Variants in MCM9 observed in about 807,000 individuals in gnomAD.
MCM9 encodes DNA helicase MCM9.
Under a neutral mutation model 72.8 loss-of-function variants are expected in MCM9, and 55 were observed. That is an observed-to-expected ratio of 0.76 (90% CI 0.61 to 0.95). The LOEUF is 0.95. MCM9 is among the 40% of genes least tolerant of loss of function. MCM9 has a pLI of 0.00. For synonymous variants in MCM9, 480 were observed against 503.4 expected, an observed-to-expected ratio of 0.95 and a Z score of 0.62; for missense variants, 1,279 against 1,377.0, an observed-to-expected ratio of 0.93 and a Z score of 1.13.
chr6:118,861,085 G>A (rs1776873160), intron 8 of MCM9, among the ~76,000 whole-genome samples: 1 of 152,242 alleles, frequency 6.6e-6, no homozygotes, highest in African/African-American at 2.4e-5. Context: ...GTGAATGAGT[G>A]TGGTGTCCAG....
intron 6 of MCM9, among the ~76,000 whole-genome samples, chr6:118,916,466 A>ATT (rs1319106742): frequency 2.6e-4 from 33 of 129,170 alleles, no homozygotes; most frequent in Non-Finnish European, 3.6e-4. Flanking sequence ...TATTATTATT[A>ATT]TTATTATTAT....
intron 13 of MCM9, among the ~76,000 whole-genome samples, chr6:118,822,584 AG>A (rs1359383719): frequency 2.0e-5 from 3 of 152,118 alleles, no homozygotes; most frequent in Non-Finnish European, 4.4e-5. Flanking sequence ...CTCAGTCAGG[AG>A]GCACAGGGGT....
At chr6:118,852,245 C>A (rs1490605273) in intron 9 of MCM9, among the ~76,000 whole-genome samples, 1 of 152,076 alleles carries the variant, frequency 6.6e-6, no homozygotes, top group Non-Finnish European at 1.5e-5. Context: ...CCATCACTGG[C>A]AAAAATGTTA....
At chr6:118,894,273 G>A (rs1779184281) in intron 8 of MCM9, 1 of 1,462,744 alleles carries the variant, frequency 6.8e-7, no homozygotes, top group African/African-American at 1.4e-5. Flanking sequence ...ATAAAAAGAG[G>A]AAAAAAGTTT....
intron 8 of MCM9, among the ~76,000 whole-genome samples, chr6:118,880,505 C>G (rs1360683773): frequency 1.3e-5 from 2 of 152,196 alleles, no homozygotes; most frequent in Non-Finnish European, 2.9e-5. Context: ...AAAGGACTTT[C>G]AGCCATTTCC....
At chr6:118,870,647 T>C (rs1295533876) in intron 8 of MCM9, among the ~76,000 whole-genome samples, 1 of 151,178 alleles carries the variant, frequency 6.6e-6, no homozygotes, top group Non-Finnish European at 1.5e-5. Flanking sequence ...AGAGCAGAAA[T>C]AGAGACTAGA....
chr6:118,825,948 C>A (rs1272402209), intron 13 of MCM9, among the ~76,000 whole-genome samples, 199 bp downstream of exon 13: 1 of 152,066 alleles, frequency 6.6e-6, no homozygotes, highest in Non-Finnish European at 1.5e-5. Context: ...TGTTCGCAGT[C>A]ACTGAGTTTT....
chr6:118,851,455 A>C (rs1051687452), intron 9 of MCM9, among the ~76,000 whole-genome samples: 1 of 151,912 alleles, frequency 6.6e-6, no homozygotes, highest in Non-Finnish European at 1.5e-5. Flanking sequence ...TTTAGGAACT[A>C]AATATCTTTT....
intron 8 of MCM9, among the ~76,000 whole-genome samples, chr6:118,874,330 A>G (rs573222669): frequency 2.0e-5 from 3 of 152,192 alleles, no homozygotes; most frequent in Admixed American, 6.5e-5. Context: ...AAAAATCACA[A>G]TATCAATAGA....
intron 5 of MCM9, chr6:118,919,968 C>T (rs1374592432): frequency 6.6e-6 from 1 of 152,152 alleles, no homozygotes; most frequent in Admixed American, 6.6e-5. Context: ...AGGTTTATAG[C>T]TAATGATACA....
At chr6:118,835,521 T>C (rs979554462) in intron 9 of MCM9, among the ~76,000 whole-genome samples, 2 of 152,208 alleles carry the variant, frequency 1.3e-5, no homozygotes, top group Non-Finnish European at 2.9e-5. Context: ...CCTCTCTTAT[T>C]TCCTTGAGCA....
At chr6:118,816,464 T>A (rs1251304094) in intron 13 of MCM9, among the ~76,000 whole-genome samples, 170 bp from the exon 14 acceptor site, 1 of 152,208 alleles carries the variant, frequency 6.6e-6, no homozygotes, top group Non-Finnish European at 1.5e-5. Flanking sequence ...AATCCTTTTT[T>A]AAATCAATAT....
At chr6:118,823,028 G>C (rs928662262) in intron 13 of MCM9, among the ~76,000 whole-genome samples, 1 of 152,216 alleles carries the variant, frequency 6.6e-6, no homozygotes, top group African/African-American at 2.4e-5. Flanking sequence ...TCAAGCCAGT[G>C]GTTCTTGGCT....
Position 118,829,244 on chromosome 6 carries a change from C to T in MCM9, c.1332G>A (p.Val444=). 6.5e-7 allele frequency: 1 copy of T among 1,548,404 alleles called. No individual in the cohort carries two copies. Among genetic ancestry groups the T allele is most frequent in the Non-Finnish European group, 8.7e-7 (1 of 1,145,006 alleles). The change falls in exon 10 of 14, where the codon GTG becomes GTA. Residue 444 remains valine, a synonymous_variant. Transcript: ENST00000619706. ...TGGTGGTCCTTGTGTTCAGCTTGCA[C>T]ACGAGGCTGCCAGGAGAGACAGTAC... ...QTISVAKAGL[V]CKLNTRTTIL... is the part of the protein sequence containing the mutation.
intron 9 of MCM9, among the ~76,000 whole-genome samples, chr6:118,849,858 C>T (rs918102340): frequency 6.6e-6 from 1 of 151,582 alleles, no homozygotes; most frequent in Non-Finnish European, 1.5e-5. Flanking sequence ...CATACCTATC[C>T]CCATGGGTTT....
At chr6:118,888,303 C>T (rs889911658) in intron 8 of MCM9, among the ~76,000 whole-genome samples, 2 of 151,912 alleles carry the variant, frequency 1.3e-5, no homozygotes, top group East Asian at 1.9e-4. Context: ...TGGCTAACAC[C>T]GTAAAACCCC....
chr6:118,913,434 A>G lies in MCM9; in HGVS notation c.905-14T>C, dbSNP rs761191305. ...TTACATTCCTTCCTAGGAAAAGCAG[A>G]AAGATCAGAAATCAGCAATAATTTT... On this transcript the variant is annotated splice_polypyrimidine_tract_variant and intron_variant, in intron 6 of 13. Coordinates refer to ENST00000619706, the MANE Select transcript of MCM9 (RefSeq NM_017696.3). 8.1e-6 allele frequency: 13 copies of G among 1,611,816 alleles called. No homozygotes were observed. Among genetic ancestry groups the G allele is most frequent in the Non-Finnish European group, 1.1e-5 (13 of 1,179,256 alleles).
intron 9 of MCM9, among the ~76,000 whole-genome samples, chr6:118,834,567 G>A (rs1251318449): frequency 6.6e-6 from 1 of 152,110 alleles, no homozygotes; most frequent in African/African-American, 2.4e-5. Flanking sequence ...GTGTGACATA[G>A]TACCTAATTG....
chr6:118,838,370 A>C (rs1033665969), intron 9 of MCM9, among the ~76,000 whole-genome samples: 23 of 150,284 alleles, frequency 1.5e-4, no homozygotes, highest in African/African-American at 5.4e-4. Flanking sequence ...CATGTTAGCC[A>C]GGATGGTCTT....
Sources: allele counts gnomAD v4.1 joint callset (sites outside exome capture counted in the v4.1 genomes callset), GRCh38; gene constraint gnomAD v4.1.1; transcripts MANE v1.5; gene names NCBI Gene and HGNC (gene_info 2026-07-23, HGNC 2026-07-21).